Variants in EPM2A observed in about 807,000 individuals in gnomAD.
EPM2A encodes the protein laforin.
Under a neutral mutation model 26.5 loss-of-function variants are expected in EPM2A, and 21 were observed. That is an observed-to-expected ratio of 0.79 (90% CI 0.56 to 1.14). The LOEUF is 1.14. Ranked by LOEUF, EPM2A falls within the 50% of genes most tolerant of loss-of-function variation. EPM2A has a pLI of 0.00. For missense variants in EPM2A, 458 were observed against 440.8 expected (o/e 1.04, Z -0.35); for synonymous variants, 217 against 177.6 (o/e 1.22, Z -1.76).
At chr6:145,472,381 A>G (rs1779485974) in intron 4 of EPM2A, among the ~76,000 whole-genome samples, 1 of 151,902 alleles carries the variant, frequency 6.6e-6, no homozygotes, top group Admixed American at 6.6e-5. Context: ...TGAGACAAGC[A>G]GAGGGAAAAG....
At chr6:145,513,511 A>G (rs1372266663) in intron 2 of EPM2A, among the ~76,000 whole-genome samples, 3 of 152,210 alleles carry the variant, frequency 2.0e-5, no homozygotes, top group African/African-American at 7.2e-5. Context: ...AGAACTGAAA[A>G]TAGAACTATT....
intron 4 of EPM2A, among the ~76,000 whole-genome samples, chr6:145,430,000 C>T (rs1459376801): frequency 6.6e-6 from 1 of 152,054 alleles, no homozygotes; most frequent in African/African-American, 2.4e-5. Context: ...AGTTCGAGAC[C>T]AGCCTGGGCA....
intron 2 of EPM2A, among the ~76,000 whole-genome samples, chr6:145,619,203 A>T (rs13203662): frequency 0.067 from 10,239 of 152,232 alleles, 453 homozygotes; most frequent in South Asian, 0.11. Flanking sequence ...AGATATTCTG[A>T]AAGATGTTTT....
chr6:145,611,727 T>C (rs1775396048), intron 2 of EPM2A, among the ~76,000 whole-genome samples: 1 of 152,170 alleles, frequency 6.6e-6, no homozygotes, highest in African/African-American at 2.4e-5. Context: ...TATTTATTAC[T>C]TTCTGAGAAC....
intron 4 of EPM2A, among the ~76,000 whole-genome samples, chr6:145,470,993 G>T (rs1721001030): frequency 6.6e-6 from 1 of 152,166 alleles, no homozygotes; most frequent in African/African-American, 2.4e-5. Flanking sequence ...GATGTGGTCT[G>T]CTCCACACCG....
At position 145,670,741 on chromosome 6, in the gene EPM2A, T is replaced by C. The variant is rs577374045; in HGVS notation, c.476+15381A>G. On this transcript the variant is annotated intron_variant, in intron 2 of 3. Transcript: ENST00000367519. ...TATGAGATAAAATATGTATTTTGCT[T>C]AATATATTTAAATATATTTCTCTTA... Among the ~76,000 whole-genome samples the C allele has an allele frequency of 6.6e-5, 10 of 152,072 alleles. No individual in the cohort carries two copies. The South Asian group carries it at 1.9e-3, about 28-fold the overall frequency.
chr6:145,717,042 T>C (rs1025944896), intron 1 of EPM2A, among the ~76,000 whole-genome samples: 2 of 152,078 alleles, frequency 1.3e-5, no homozygotes, highest in Non-Finnish European at 2.9e-5. Context: ...TTCCACAACA[T>C]TGCATATGGG....
intron 2 of EPM2A, among the ~76,000 whole-genome samples, chr6:145,587,661 T>G (rs1418436408): frequency 6.6e-6 from 1 of 152,214 alleles, no homozygotes; most frequent in Non-Finnish European, 1.5e-5. Context: ...TGATTTATAA[T>G]TCCTTGCAAT....
In EPM2A at chr6:145,565,229, G is replaced by T. The variant is rs1000559150; in HGVS notation, c.341-62654C>A. On this transcript the variant is annotated intron_variant, in intron 2 of 3. Coordinates refer to the EPM2A transcript ENST00000450221. The stretch of plus-strand genomic sequence containing the variant: ...CCACAAGGTAGCACCCTTGGTTTTT[G>T]ACCTTACCTGCTGTTTGACTCTGCC... Among the ~76,000 whole-genome samples the T allele has an allele frequency of 1.1e-4, 8 of 74,522 alleles. No individual in the cohort carries two copies. In the South Asian group the frequency reaches 3.3e-3, roughly 31 times the overall value. 48.9% of individuals were successfully genotyped at this position (74,522 alleles called of 152,430 possible). A position where few individuals can be genotyped will look rare whatever the true frequency, so the allele number is the denominator to read the frequency against.
At chr6:145,435,586 A>AT (rs891506569) in intron 4 of EPM2A, among the ~76,000 whole-genome samples, 4 of 151,458 alleles carry the variant, frequency 2.6e-5, no homozygotes, top group Non-Finnish European at 4.4e-5. Context: ...TTTTTAATTT[A>AT]TTTTTTTTAA....
At chr6:145,565,719 G>T (rs1333778200) in intron 2 of EPM2A, among the ~76,000 whole-genome samples, 1 of 152,120 alleles carries the variant, frequency 6.6e-6, no homozygotes, top group Non-Finnish European at 1.5e-5. Flanking sequence ...CATAATCCTG[G>T]AAGAAAGGTG....
At position 145,735,291 on chromosome 6, in the gene EPM2A, C is replaced by A; in HGVS notation, c.208G>T (p.Glu70Ter). ...GGCTCCGCCCCGTCCTGCGCCGCCT[C>A]CTCGGCCGCCAGCTCCACCTCCCCG... The part of the protein sequence containing the change: ...WLGEVELAAE[E>*]AAQDGAEPGR... Residue 70 changes from glutamate (E) to a stop codon, truncating the protein, a stop_gained, in exon 1 of 4, where the codon GAG (glutamate) becomes TAG (stop). Transcript: ENST00000367519. LOFTEE classifies it high-confidence loss of function. The A allele has an allele frequency of 6.7e-7, 1 of 1,484,876 alleles. No homozygotes were observed. Among genetic ancestry groups the A allele is most frequent in the South Asian group, 1.3e-5 (1 of 79,748 alleles). The allele number at this position is 1,484,876 out of a possible 1,614,324, so 92.0% of individuals were successfully genotyped here. A position where few individuals can be genotyped will look rare whatever the true frequency, so the allele number is the denominator to read the frequency against.
chr6:145,400,699 T>C (rs886292192), intron 4 of EPM2A, among the ~76,000 whole-genome samples: 2 of 152,206 alleles, frequency 1.3e-5, no homozygotes, highest in African/African-American at 4.8e-5. Flanking sequence ...GCAACATCCA[T>C]TTTTGCTTAC....
chr6:145,578,524 G>A (rs1168666775), intron 2 of EPM2A, among the ~76,000 whole-genome samples: 2 of 152,080 alleles, frequency 1.3e-5, no homozygotes, highest in Non-Finnish European at 2.9e-5. Flanking sequence ...CCAATAACAA[G>A]TAATGAGATC....
intron 1 of EPM2A, among the ~76,000 whole-genome samples, chr6:145,696,108 C>G (rs528851694): frequency 6.6e-6 from 1 of 151,848 alleles, no homozygotes; most frequent in Non-Finnish European, 1.5e-5. Context: ...GAAACTAGAA[C>G]TCAATCATAG....
intron 2 of EPM2A, among the ~76,000 whole-genome samples, chr6:145,507,662 G>C (rs960250824): frequency 3.9e-5 from 6 of 152,190 alleles, no homozygotes; most frequent in African/African-American, 1.4e-4. Flanking sequence ...GCCACAGCAG[G>C]CATTTAATTT....
intron 1 of EPM2A, among the ~76,000 whole-genome samples, chr6:145,703,313 G>T (rs1185117357): frequency 6.6e-6 from 1 of 151,820 alleles, no homozygotes; most frequent in African/African-American, 2.4e-5. Flanking sequence ...GGGTGGTCTC[G>T]ATCTCCTGAC....
intron 2 of EPM2A, among the ~76,000 whole-genome samples, chr6:145,677,189 A>C (rs1484476444): frequency 2.0e-5 from 3 of 152,198 alleles, no homozygotes; most frequent in Admixed American, 2.0e-4. Context: ...AAACCACATG[A>C]TTATCTCAAT....
chr6:145,484,201 T>C (rs1177342270), intron 4 of EPM2A, among the ~76,000 whole-genome samples: 1 of 152,124 alleles, frequency 6.6e-6, no homozygotes, highest in East Asian at 1.9e-4. Context: ...TGCAGACAAC[T>C]GTGTTTAGGT....
Sources: gnomAD v4.1 joint callset for allele counts (sites outside exome capture counted in the v4.1 genomes callset) on GRCh38, gnomAD v4.1.1 for gene constraint, MANE v1.5 for transcripts, NCBI Gene and HGNC (gene_info 2026-07-23, HGNC 2026-07-21) for gene names.